Variants in DACH2 observed in about 807,000 individuals in gnomAD.
DACH2 encodes the protein dachshund homolog 2.
Under a neutral mutation model 35.8 loss-of-function variants are expected in DACH2, and 17 were observed. The ratio of observed to expected loss-of-function variants is 0.48; its 90% CI spans 0.33 to 0.71. The LOEUF is 0.71. Among genes scored for constraint, DACH2 ranks in the 30% least tolerant of loss-of-function variants. The pLI is 0.02. For missense variants in DACH2, 469 were observed against 472.7 expected, an observed-to-expected ratio of 0.99 and a Z score of 0.07; for synonymous variants, 195 against 177.3, an observed-to-expected ratio of 1.10 and a Z score of -0.79.
At chrX:86,266,299 A>G (rs1440226713) in intron 1 of DACH2, among the ~76,000 whole-genome samples, 1 of 111,246 alleles carries the variant, frequency 9.0e-6, no homozygotes, top group Non-Finnish European at 1.9e-5. Flanking sequence ...GAATCAATCT[A>G]TTATATTTCA....
At chrX:86,568,708 T>C (rs1256902683) in intron 3 of DACH2, among the ~76,000 whole-genome samples, 1 of 111,437 alleles carries the variant, frequency 9.0e-6, no homozygotes, top group African/African-American at 3.3e-5. Context: ...TTTGCGGCCT[T>C]TGTGTTAGAT....
At chrX:86,274,779 T>C (rs780458197) in intron 1 of DACH2, among the ~76,000 whole-genome samples, 1 of 111,057 alleles carries the variant, frequency 9.0e-6, no homozygotes, top group Non-Finnish European at 1.9e-5. Flanking sequence ...ATTACAGGCA[T>C]GAGCCACCGC....
chrX:86,616,840 T>A (rs2040011001), intron 3 of DACH2, among the ~76,000 whole-genome samples: 1 of 112,223 alleles, frequency 8.9e-6, no homozygotes, highest in Non-Finnish European at 1.9e-5. Flanking sequence ...TCTTTGCCTA[T>A]TTCTATGTCC....
At chrX:86,494,413 A>G (rs1291013975) in intron 2 of DACH2, among the ~76,000 whole-genome samples, 1 of 112,097 alleles carries the variant, frequency 8.9e-6, no homozygotes, top group Non-Finnish European at 1.9e-5. Flanking sequence ...TCAAAGGTGG[A>G]TATAAGTAAG....
intron 3 of DACH2, among the ~76,000 whole-genome samples, chrX:86,627,908 T>G (rs80099053): frequency 8.9e-6 from 1 of 112,268 alleles, no homozygotes; most frequent in African/African-American, 3.2e-5. Context: ...CTTTCAGTGT[T>G]TGAGTGAACC....
intron 5 of DACH2, among the ~76,000 whole-genome samples, chrX:86,707,787 C>T (rs902213943): frequency 1.8e-4 from 19 of 106,690 alleles, no homozygotes; most frequent in East Asian, 3.0e-4. Flanking sequence ...TGGTGGCGTG[C>T]GCCTGTAGTC....
intron 2 of DACH2, among the ~76,000 whole-genome samples, chrX:86,400,308 T>C (rs752293395): frequency 9.0e-6 from 1 of 111,008 alleles, no homozygotes; most frequent in East Asian, 2.8e-4. Flanking sequence ...AGTTTTTAAC[T>C]TTTTTGCGAT....
intron 1 of DACH2, among the ~76,000 whole-genome samples, chrX:86,330,378 ATAT>A (rs1477738764): frequency 8.9e-6 from 1 of 111,770 alleles, no homozygotes; most frequent in African/African-American, 3.2e-5. Context: ...ATTTTAATAA[ATAT>A]TATCCCATTT....
At chrX:86,286,946 T>A (rs1346417693) in intron 1 of DACH2, among the ~76,000 whole-genome samples, 2 of 112,061 alleles carry the variant, frequency 1.8e-5, no homozygotes, top group Non-Finnish European at 3.8e-5. Context: ...TGTTTTTTTC[T>A]GTAATTACTA....
intron 2 of DACH2, among the ~76,000 whole-genome samples, chrX:86,381,875 C>T (rs1448966789): frequency 9.1e-6 from 1 of 110,408 alleles, no homozygotes; most frequent in Non-Finnish European, 1.9e-5. Context: ...CACATGATTT[C>T]GAATTCATGT....
intron 6 of DACH2, among the ~76,000 whole-genome samples, chrX:86,732,214 T>C (rs138011992): frequency 0.036 from 4,056 of 111,697 alleles, 188 homozygotes; most frequent in African/African-American, 0.13. Flanking sequence ...TCAGCAAGTG[T>C]CTTGAAATTA....
Position 86,349,253 on chromosome X carries a change from C to T in DACH2, c.489-27571C>T, listed in dbSNP as rs371501560. Among the ~76,000 whole-genome samples the T allele has an allele frequency of 3.6e-5, 4 of 111,647 alleles. No homozygotes were observed. In the East Asian group the frequency reaches 8.6e-4, roughly 24 times the overall value. On this transcript the variant is annotated intron_variant, in intron 1 of 11. Transcript: ENST00000373125. ...AGTCAGGCCACCCAGCTGTCAGGCT[C>T]TCACCGACCACCTGGGCCAAACTCC... is the stretch of plus-strand genomic sequence containing the variant.
At chrX:86,323,796 C>T (rs1480316626) in intron 1 of DACH2, among the ~76,000 whole-genome samples, 7 of 111,531 alleles carry the variant, frequency 6.3e-5, no homozygotes, top group Non-Finnish European at 9.4e-5. Context: ...CCTAGCACCC[C>T]GAGGGTACTG....
intron 1 of DACH2, among the ~76,000 whole-genome samples, chrX:86,279,674 G>A (rs2033987474): frequency 1.8e-5 from 2 of 110,460 alleles, no homozygotes; most frequent in South Asian, 7.8e-4. Context: ...TGAGTTTTAT[G>A]AACTGACAGA....
chrX:86,531,023 G>T (rs1436759423), intron 3 of DACH2, among the ~76,000 whole-genome samples: 1 of 111,936 alleles, frequency 8.9e-6, no homozygotes, highest in Non-Finnish European at 1.9e-5. Context: ...GAACTTAAAA[G>T]AGATTATTTA....
chrX:86,627,759 C>CATAA (rs1363194298), intron 3 of DACH2, among the ~76,000 whole-genome samples: 2 of 112,320 alleles, frequency 1.8e-5, no homozygotes, highest in Admixed American at 9.5e-5. Context: ...AAAGTTTTCA[C>CATAA]ATAATTGTGT....
chrX:86,453,043 C>A (rs1435281893), intron 2 of DACH2, among the ~76,000 whole-genome samples: 2 of 111,602 alleles, frequency 1.8e-5, no homozygotes, highest in East Asian at 5.6e-4. Context: ...TTTCAAAGAA[C>A]TTCTTGATTT....
intron 2 of DACH2, among the ~76,000 whole-genome samples, chrX:86,459,114 G>A (rs987825263): frequency 1.8e-5 from 2 of 111,597 alleles, no homozygotes; most frequent in Admixed American, 1.9e-4. Context: ...TTTGTTTCAA[G>A]CTATGTAAAC....
intron 3 of DACH2, among the ~76,000 whole-genome samples, chrX:86,597,258 A>G (rs1374307941): frequency 8.9e-6 from 1 of 111,965 alleles, no homozygotes; most frequent in East Asian, 2.8e-4. Flanking sequence ...TTTCCAAATC[A>G]TGAACACAGG....
Sources: allele counts gnomAD v4.1 joint callset (sites outside exome capture counted in the v4.1 genomes callset), GRCh38; gene constraint gnomAD v4.1.1; transcripts MANE v1.5; gene names NCBI Gene and HGNC (gene_info 2026-07-23, HGNC 2026-07-21).